The following MGAT4C variants were observed in gnomAD, a reference collection of about 807,000 sequenced individuals.
MGAT4C encodes alpha-1,3-mannosyl-glycoprotein 4-beta-N-acetylglucosaminyltransferase C.
MGAT4C carries 19 observed loss-of-function variants against 40.1 expected under a neutral mutation model. The observed-to-expected ratio is 0.47, with a 90% confidence interval of 0.33 to 0.70. MGAT4C has a LOEUF of 0.70. MGAT4C is among the 30% of genes least tolerant of loss of function. The pLI, the probability that MGAT4C is intolerant of heterozygous loss-of-function variation, is 0.02. For missense variants in MGAT4C, 491 were observed against 563.2 expected, an observed-to-expected ratio of 0.87 and a Z score of 1.30; for synonymous variants, 181 against 187.1, an observed-to-expected ratio of 0.97 and a Z score of 0.27.
At chr12:86,029,283 C>G (rs1399733225) in intron 2 of MGAT4C, among the ~76,000 whole-genome samples, 2 of 151,820 alleles carry the variant, frequency 1.3e-5, no homozygotes, top group South Asian at 2.1e-4. Flanking sequence ...GAAAGGAGTA[C>G]TAAACATCAG....
rs76140365 is a variant in MGAT4C, at chr12:86,700,138, T to C, written c.-229+27071A>G. 1.2e-3 allele frequency among the ~76,000 whole-genome samples: 170 copies of C among 142,308 alleles called. 2 individuals carry two copies. Among genetic ancestry groups the C allele is most frequent in the African/African-American group, 4.4e-3 (167 of 38,170 alleles). The allele number at this position is 142,308 out of a possible 152,430, so 93.4% of individuals were successfully genotyped here. A position where few individuals can be genotyped will look rare whatever the true frequency, so the allele number is the denominator to read the frequency against. On this transcript the variant is annotated intron_variant, in intron 2 of 7. Transcript: ENST00000548651. ...TAGGTAGATAGATAATGTAGATAGA[T>C]AGACAGACAGACAGACAGACAGACA...
chr12:86,048,851 T>C (rs948129898), intron 2 of MGAT4C, among the ~76,000 whole-genome samples: 2 of 152,036 alleles, frequency 1.3e-5, no homozygotes, highest in Non-Finnish European at 1.5e-5. Flanking sequence ...GTTGTTACAA[T>C]GAAAACAATT....
chr12:86,404,306 A>C (rs1351764910), intron 3 of MGAT4C, among the ~76,000 whole-genome samples: 2 of 152,226 alleles, frequency 1.3e-5, no homozygotes, highest in African/African-American at 4.8e-5. Flanking sequence ...CAGGCTGAAC[A>C]GTGACTTCCA....
chr12:86,498,706 C>G (rs1339583691), intron 2 of MGAT4C, among the ~76,000 whole-genome samples: 1 of 151,858 alleles, frequency 6.6e-6, no homozygotes, highest in African/African-American at 2.4e-5. Flanking sequence ...TAGCAGGTAT[C>G]CACTTAAAAT....
At chr12:86,163,748 A>G (rs532267232) in intron 1 of MGAT4C, among the ~76,000 whole-genome samples, 1 of 152,338 alleles carries the variant, frequency 6.6e-6, no homozygotes, top group African/African-American at 2.4e-5. Flanking sequence ...ACTACATGGA[A>G]TAAGACATCA....
intron 2 of MGAT4C, among the ~76,000 whole-genome samples, chr12:86,438,379 T>G (rs990061048): frequency 2.0e-5 from 3 of 151,920 alleles, no homozygotes; most frequent in African/African-American, 7.2e-5. Context: ...ATTTAAGGAA[T>G]GATGCCCTCT....
At chr12:86,283,863 T>A (rs1010215927) in intron 4 of MGAT4C, among the ~76,000 whole-genome samples, 1 of 152,116 alleles carries the variant, frequency 6.6e-6, no homozygotes, top group African/African-American at 2.4e-5. Context: ...ATACAGTATA[T>A]CGCTATATGG....
intron 1 of MGAT4C, among the ~76,000 whole-genome samples, chr12:86,795,827 G>A (rs1419507165): frequency 6.6e-6 from 1 of 151,944 alleles, no homozygotes; most frequent in Non-Finnish European, 1.5e-5. Flanking sequence ...TCGCACAGTT[G>A]TTCATGTATT....
At chr12:86,315,064 TAAA>T (rs1187681086) in intron 4 of MGAT4C, among the ~76,000 whole-genome samples, 1 of 144,030 alleles carries the variant, frequency 6.9e-6, no homozygotes, top group Non-Finnish European at 1.5e-5. Flanking sequence ...AAAAAACAAA[TAAA>T]AAACAGAACA....
intron 2 of MGAT4C, among the ~76,000 whole-genome samples, chr12:86,643,501 T>C (rs4842797): frequency 0.78 from 118,118 of 151,734 alleles, 47,326 homozygotes; most frequent in Middle Eastern, 0.88. Flanking sequence ...AGGAGTAATA[T>C]TGATCTATAA....
intron 1 of MGAT4C, among the ~76,000 whole-genome samples, chr12:86,201,693 A>G (rs1018674383): frequency 6.6e-6 from 1 of 151,768 alleles, no homozygotes; most frequent in Admixed American, 6.6e-5. Context: ...TTTGTAACAA[A>G]TTGGTTGTTG....
At chr12:86,736,181 T>C (rs1336080114) in intron 1 of MGAT4C, among the ~76,000 whole-genome samples, 1 of 151,830 alleles carries the variant, frequency 6.6e-6, no homozygotes, top group Non-Finnish European at 1.5e-5. Context: ...CCATTTTAAC[T>C]CCAAAACTAA....
rs746771387 is a variant in MGAT4C, at chr12:86,204,567, AATAG to A, written c.-57+51668_-57+51671del. On this transcript the variant is annotated intron_variant, in intron 1 of 4. Coordinates refer to ENST00000611864, the MANE Select transcript of MGAT4C (RefSeq NM_001351288.2). ...CATTGGAAACAGCATACAACTTTCAAATAGATAGGAGTTTCCTGTGGACTATTTT... is the reference window on the plus strand; with the variant it reads ...CATTGGAAACAGCATACAACTTTCAAATAGGAGTTTCCTGTGGACTATTTT... Among the ~76,000 whole-genome samples, 25 of 152,292 alleles carry A rather than the reference AATAG, an allele frequency of 1.6e-4. No individual in the cohort carries two copies. In the East Asian group the frequency reaches 2.9e-3, roughly 18 times the overall value.
intron 3 of MGAT4C, among the ~76,000 whole-genome samples, chr12:86,343,463 T>A (rs766215109): frequency 2.7e-4 from 41 of 152,220 alleles, no homozygotes; most frequent in Non-Finnish European, 4.3e-4. Context: ...CTGTTTTTTT[T>A]AACAAAACCT....
intron 1 of MGAT4C, among the ~76,000 whole-genome samples, chr12:86,200,002 T>G (rs776199322): frequency 4.6e-5 from 7 of 152,150 alleles, no homozygotes; most frequent in Non-Finnish European, 8.8e-5. Flanking sequence ...CCCAGAGAAT[T>G]TCCTCATGAC....
rs555133637 is a variant in MGAT4C at position 86,365,050 on chromosome 12, C to T, written c.-119-30923G>A. Among the ~76,000 whole-genome samples the T allele has an allele frequency of 1.4e-4, 21 of 152,170 alleles. No individual in the cohort carries two copies. The East Asian group carries it at 2.3e-3, about 17-fold the overall frequency. ...CGTCCTAATACGCCTGGGAGCACTA[C>T]GGGAGACTGGGGCTTATTTCATCCC... On this transcript the variant is annotated intron_variant, in intron 3 of 7. Coordinates refer to the MGAT4C transcript ENST00000548651.
intron 1 of MGAT4C, among the ~76,000 whole-genome samples, chr12:86,782,604 C>T (rs1379879076): frequency 6.6e-6 from 1 of 152,010 alleles, no homozygotes. Context: ...ATATTTTGAA[C>T]TGAATCATAT....
At chr12:86,616,161 G>A (rs1015213848) in intron 2 of MGAT4C, among the ~76,000 whole-genome samples, 5 of 152,086 alleles carry the variant, frequency 3.3e-5, no homozygotes, top group African/African-American at 1.2e-4. Context: ...ATATCATTTA[G>A]AGTATAGCAT....
chr12:86,515,871 T>C (rs1489869232), intron 2 of MGAT4C, among the ~76,000 whole-genome samples: 2 of 151,506 alleles, frequency 1.3e-5, no homozygotes, highest in African/African-American at 2.4e-5. Flanking sequence ...GCCTCCCGAG[T>C]AGCTGGGACT....
Sources: allele counts gnomAD v4.1 joint callset (sites outside exome capture counted in the v4.1 genomes callset), GRCh38; gene constraint gnomAD v4.1.1; transcripts MANE v1.5; gene names NCBI Gene and HGNC (gene_info 2026-07-23, HGNC 2026-07-21).